The following LSS variants were observed in gnomAD, a reference collection of about 807,000 sequenced individuals.
LSS encodes 2,3-epoxysqualene-lanosterol cyclase.
In LSS, 90 loss-of-function variants were observed where a neutral mutation model predicts 110.3. That is an observed-to-expected ratio of 0.82 (90% CI 0.69 to 0.97). LSS has a LOEUF of 0.97. Among genes scored for constraint, LSS ranks in the 50% least tolerant of loss-of-function variants. The pLI is 0.00. For missense variants in LSS, 927 were observed against 990.0 expected, an observed-to-expected ratio of 0.94 and a Z score of 0.85; for synonymous variants, 433 against 400.0, an observed-to-expected ratio of 1.08 and a Z score of -0.98.
intron 5 of LSS, among the ~76,000 whole-genome samples, chr21:46,219,850 G>A (rs981025360): frequency 6.6e-6 from 1 of 152,196 alleles, no homozygotes; most frequent in Non-Finnish European, 1.5e-5. Context: ...GCCCCAGGAA[G>A]GAGCACATGA....
chr21:46,198,829 C>CAAAAA (rs35148484), intron 17 of LSS, among the ~76,000 whole-genome samples: 91 of 73,334 alleles, frequency 1.2e-3, no homozygotes, highest in East Asian at 1.6e-3. Context: ...CATCCACATG[C>CAAAAA]AAAAAAAAAA....
chr21:46,192,533 G>A, intron 20 of LSS: 1 of 411,864 alleles, frequency 2.4e-6, no homozygotes, highest in East Asian at 8.3e-5. Context: ...TGTGTGCACA[G>A]GTGCCTGTGC....
Position 46,195,658 on chromosome 21 carries a change from G to A in LSS, c.1817+18C>T, listed in dbSNP as rs748897336. On this transcript the variant is annotated intron_variant, in intron 19 of 21. Transcript: ENST00000397728. ...GGGTTGAGAACCCCCACCCACCAGA[G>A]GACAGGCACTCACTCACCCATCTCG... 6.2e-7 allele frequency: 1 copy of A among 1,611,196 alleles called. No individual in the cohort carries two copies.
At chr21:46,224,843 G>C (rs1434691241) in intron 3 of LSS, 2 of 134,604 alleles carry the variant, frequency 1.5e-5, no homozygotes, top group African/African-American at 5.5e-5. Flanking sequence ...AGGTGCAGTG[G>C]CTCACGCCTG....
chr21:46,214,865 C>CT (rs1484731479), intron 9 of LSS, among the ~76,000 whole-genome samples: 3 of 152,166 alleles, frequency 2.0e-5, no homozygotes, highest in Non-Finnish European at 4.4e-5. Context: ...AAAAGCACCC[C>CT]TCCCAGCTAG....
intron 4 of LSS, 119 bp from the exon 5 acceptor site, chr21:46,222,094 A>G (rs1601448621): frequency 2.6e-6 from 3 of 1,156,054 alleles, no homozygotes; most frequent in Non-Finnish European, 3.7e-6. Context: ...TTAACCTGAC[A>G]TAACATGCCA....
At chr21:46,225,465 C>CG (rs988135369) in intron 3 of LSS, 4 of 447,216 alleles carry the variant, frequency 8.9e-6, no homozygotes, top group East Asian at 7.0e-5. Context: ...TCCCTTTCCC[C>CG]GGGGGAGTTT....
At chr21:46,228,133 G>A (rs116189082) in intron 2 of LSS, among the ~76,000 whole-genome samples, 4 of 152,344 alleles carry the variant, frequency 2.6e-5, no homozygotes, top group African/African-American at 9.6e-5. Flanking sequence ...TAAGACAGTG[G>A]ATCCAAACAC....
chr21:46,206,249 C>A (rs1036292924), intron 16 of LSS, among the ~76,000 whole-genome samples: 2 of 152,222 alleles, frequency 1.3e-5, no homozygotes, highest in Non-Finnish European at 2.9e-5. Flanking sequence ...GATCCTCCCC[C>A]AAGACCAGTA....
intron 15 of LSS, among the ~76,000 whole-genome samples, chr21:46,207,116 C>T (rs1181431789): frequency 6.6e-6 from 1 of 152,236 alleles, no homozygotes; most frequent in Non-Finnish European, 1.5e-5. Flanking sequence ...CCAACACCAA[C>T]AAATTCCCTC....
chr21:46,199,738 G>C (rs529304912), intron 17 of LSS, among the ~76,000 whole-genome samples: 1 of 152,164 alleles, frequency 6.6e-6, no homozygotes, highest in South Asian at 2.1e-4. Flanking sequence ...AGTGAAATAG[G>C]TCAGTCTGAA....
At chr21:46,215,435 T>A in intron 8 of LSS, 137 bp from the exon 9 acceptor site, 2 of 454,548 alleles carry the variant, frequency 4.4e-6, no homozygotes, top group South Asian at 1.9e-5. Flanking sequence ...GTCTCTGAGC[T>A]CCTCCTTCCC....
intron 13 of LSS, among the ~76,000 whole-genome samples, chr21:46,208,609 C>G (rs927216584): frequency 6.6e-6 from 1 of 152,208 alleles, no homozygotes; most frequent in East Asian, 1.9e-4. Context: ...GGGAGGGGGC[C>G]CAGGTCTCTG....
In LSS at chr21:46,215,673, G is replaced by A; in HGVS notation, c.892+12C>T. Reference sequence around the variant, plus strand: ...CCTGGGCTGCCCTGCCGGCCCCTCAGGAGGCGCTCACCATATACCACGCGG... The same window carrying A: ...CCTGGGCTGCCCTGCCGGCCCCTCAAGAGGCGCTCACCATATACCACGCGG... On this transcript the variant is annotated intron_variant, in intron 8 of 21. Coordinates refer to ENST00000397728, the MANE Select transcript of LSS (RefSeq NM_002340.6). 1 of 1,588,480 alleles carries A rather than the reference G, an allele frequency of 6.3e-7. No individual in the cohort carries two copies. Among genetic ancestry groups the A allele is most frequent in the Non-Finnish European group, 8.6e-7 (1 of 1,161,804 alleles).
In LSS at chr21:46,189,607, G is replaced by C. The variant is rs2079776119; in HGVS notation, c.*1497C>G. 4.4e-6 allele frequency: 2 copies of C among 453,480 alleles called. No homozygotes were observed. The highest frequency in any genetic ancestry group is 4.4e-6 in the Non-Finnish European group (1 of 226,060). The allele number at this position is 453,480 out of a possible 1,614,324, so 28.1% of individuals were successfully genotyped here. A position where few individuals can be genotyped will look rare whatever the true frequency, so the allele number is the denominator to read the frequency against. ...TGAGAGCCCTGGACTGCACACCAAG[G>C]CAGAGGGGTGCCCCTGAAGGACTCT... On this transcript the variant is annotated 3_prime_UTR_variant, in exon 22 of 22. Transcript: ENST00000397728.
At chr21:46,192,919 A>G (rs776913009) in intron 20 of LSS, 56 of 391,946 alleles carry the variant, frequency 1.4e-4, no homozygotes, top group African/African-American at 6.3e-4. Flanking sequence ...ATAGACCTGT[A>G]TGTGCATCTG....
At position 46,189,814 on chromosome 21, in the gene LSS, C is replaced by T. The variant is rs779858142; in HGVS notation, c.*1290G>A. 1.1e-5 allele frequency: 5 copies of T among 436,982 alleles called. No individual in the cohort carries two copies. The highest frequency in any genetic ancestry group is 2.3e-5 in the Non-Finnish European group (5 of 215,518). The allele number at this position is 436,982 out of a possible 1,614,324, so 27.1% of individuals were successfully genotyped here. On this transcript the variant is annotated 3_prime_UTR_variant, in exon 22 of 22. Coordinates refer to ENST00000397728, the MANE Select transcript of LSS (RefSeq NM_002340.6). Reference sequence around the variant, plus strand: ...AAGGCAGCAGGGGTAACGAAGCTCTCAGTGACTCCTCCCAGTAGCCAGGGG... The same window carrying T: ...AAGGCAGCAGGGGTAACGAAGCTCTTAGTGACTCCTCCCAGTAGCCAGGGG...
intron 21 of LSS, among the ~76,000 whole-genome samples, chr21:46,191,523 G>A (rs2079815069): frequency 1.3e-5 from 2 of 152,142 alleles, no homozygotes; most frequent in South Asian, 4.1e-4. Context: ...GAGGGCGGTT[G>A]GCCTCACATG....
intron 17 of LSS, among the ~76,000 whole-genome samples, chr21:46,204,496 G>A (rs1391341156): frequency 2.0e-5 from 3 of 151,664 alleles, no homozygotes; most frequent in Non-Finnish European, 4.4e-5. Context: ...ATGAATCAGT[G>A]TAAAGCTGAG....
Sources: allele counts gnomAD v4.1 joint callset (sites outside exome capture counted in the v4.1 genomes callset), GRCh38; gene constraint gnomAD v4.1.1; transcripts MANE v1.5; gene names NCBI Gene and HGNC (gene_info 2026-07-23, HGNC 2026-07-21).